ACOT7: variants seen among roughly 807,000 people sequenced by gnomAD.
ACOT7 encodes the protein acyl-CoA thioesterase 7, also known as cytosolic acyl coenzyme A thioester hydrolase.
Under a neutral mutation model 40.2 loss-of-function variants are expected in ACOT7, and 12 were observed. That is an observed-to-expected ratio of 0.30 (90% CI 0.19 to 0.48). The LOEUF (loss-of-function observed/expected upper bound fraction) is 0.48. Among genes scored for constraint, ACOT7 ranks in the 20% least tolerant of loss-of-function variants. The pLI is 0.99. For missense variants in ACOT7, 395 were observed against 530.8 expected, an observed-to-expected ratio of 0.74 and a Z score of 2.51; for synonymous variants, 228 against 219.5, an observed-to-expected ratio of 1.04 and a Z score of -0.34.
rs70981381 is a variant in ACOT7, at chr1:6,323,737, A to ATAT, written c.625+3561_625+3562insATA. Among the ~76,000 whole-genome samples the ATAT allele has an allele frequency of 7.4e-3, 282 of 38,266 alleles. 3 individuals carry two copies. Among genetic ancestry groups the ATAT allele is most frequent in the Non-Finnish European group, 0.011 (210 of 19,504 alleles). The allele number at this position is 38,266 out of a possible 152,430, so 25.1% of individuals were successfully genotyped here. ...GTCTCAAAAAAAAAAAAAAAAAAAA[A>ATAT]ATATATATATATATATATATATATA... On this transcript the variant is annotated intron_variant, in intron 5 of 8. Transcript: ENST00000361521.
intron 6 of ACOT7, among the ~76,000 whole-genome samples, chr1:6,305,674 G>C (rs934465499): frequency 1.3e-5 from 2 of 151,328 alleles, no homozygotes; most frequent in East Asian, 1.9e-4. Context: ...ATGGGATGGC[G>C]GCCGGGCAGA....
At chr1:6,373,449 C>T (rs1642170786) in intron 1 of ACOT7, among the ~76,000 whole-genome samples, 2 of 151,990 alleles carry the variant, frequency 1.3e-5, no homozygotes, top group African/African-American at 4.8e-5. Context: ...TGGGGTTTCG[C>T]CATGTTGGCC....
At chr1:6,281,440 T>C (rs1010752242) in intron 7 of ACOT7, among the ~76,000 whole-genome samples, 154 bp from the exon 8 acceptor site, 1 of 152,216 alleles carries the variant, frequency 6.6e-6, no homozygotes, top group Non-Finnish European at 1.5e-5. Flanking sequence ...TATTAGAATG[T>C]GTCGTTAGTT....
rs572786152 is a variant in ACOT7 at position 6,338,364 on chromosome 1, C to T, written c.418+1069G>A. ...CCCTGAGCCTCTCCCGAGTCGTGGG[C>T]GCTGCTCCTGTTGTGGGAGGTGCCC... On this transcript the variant is annotated intron_variant, in intron 3 of 8. Coordinates refer to ENST00000361521, the MANE Select transcript of ACOT7 (RefSeq NM_007274.4). This position sits in a 1 kb window ranked among gnomAD's most constrained non-coding sequence, Gnocchi z 4.4. Among the ~76,000 whole-genome samples, 7 of 152,354 alleles carry T rather than the reference C, an allele frequency of 4.6e-5. No individual in the cohort carries two copies. Among genetic ancestry groups the T allele is most frequent in the South Asian group, 2.1e-4 (1 of 4,828 alleles).
In ACOT7 at chr1:6,306,831, G is replaced by A; in HGVS notation, c.712+11661C>T. The A allele has an allele frequency of 1.6e-6, 2 of 1,289,132 alleles. No homozygotes were observed. Among genetic ancestry groups the A allele is most frequent in the South Asian group, 2.5e-5 (2 of 81,014 alleles). 79.9% of individuals were successfully genotyped at this position (1,289,132 alleles called of 1,614,324 possible). ...CCGGCCAAACAAGGTCACGGAATTG[G>A]AAAAGAGTAACTGTGCCCTCTTTTG... On this transcript the variant is annotated intron_variant, in intron 6 of 8. Coordinates refer to ENST00000361521, the MANE Select transcript of ACOT7 (RefSeq NM_007274.4). The surrounding 1 kb of genome is among the most constrained non-coding windows in gnomAD (Gnocchi z 4.3).
chr1:6,388,108 C>T (rs1642470105), intron 1 of ACOT7, among the ~76,000 whole-genome samples: 1 of 150,710 alleles, frequency 6.6e-6, no homozygotes, highest in Admixed American at 6.6e-5. Flanking sequence ...GCCCAGCTAA[C>T]TTTTTTTTCT....
At chr1:6,343,139 C>T (rs930368343) in intron 2 of ACOT7, among the ~76,000 whole-genome samples, 1 of 152,186 alleles carries the variant, frequency 6.6e-6, no homozygotes, top group Admixed American at 6.5e-5. Context: ...CTTCACAGCA[C>T]CCCGACAAGG....
At chr1:6,307,013 A>G in intron 6 of ACOT7, 1 of 1,019,610 alleles carries the variant, frequency 9.8e-7, no homozygotes, top group Non-Finnish European at 1.3e-6. Flanking sequence ...GCCTCCTCCT[A>G]TAGTCTCAGG....
rs1639385664 is a variant in ACOT7 at position 6,282,551 on chromosome 1, C to A, written c.830-1265G>T. On this transcript the variant is annotated intron_variant, in intron 7 of 8. Transcript: ENST00000361521. The surrounding 1 kb of genome is among the most constrained non-coding windows in gnomAD (Gnocchi z 4.5). ...CTTTTTAATGTGGCCTCTGGAACCC[C>A]CAGTGTCCTAGCTGCACCGAGACCA... Among the ~76,000 whole-genome samples the A allele has an allele frequency of 6.6e-6, 1 of 152,074 alleles. No individual in the cohort carries two copies. The highest frequency in any genetic ancestry group is 2.1e-4 in the South Asian group (1 of 4,804).
chr1:6,345,723 A>G (rs1234687252), intron 2 of ACOT7, among the ~76,000 whole-genome samples: 2 of 152,194 alleles, frequency 1.3e-5, no homozygotes, highest in African/African-American at 2.4e-5. Context: ...CTGAGGATGC[A>G]GCTGTCTGGA....
chr1:6,363,424 G>A (rs1641933133), intron 1 of ACOT7, among the ~76,000 whole-genome samples: 1 of 152,148 alleles, frequency 6.6e-6, no homozygotes, highest in African/African-American at 2.4e-5. Context: ...CCTGACATCA[G>A]TCAGGCCTGC....
rs1639984497 is a variant in ACOT7 at position 6,301,934 on chromosome 1, T to C, written c.713-6954A>G. 6.6e-6 allele frequency among the ~76,000 whole-genome samples: 1 copy of C among 152,222 alleles called. No homozygotes were observed. Among genetic ancestry groups the C allele is most frequent in the African/African-American group, 2.4e-5 (1 of 41,456 alleles). On this transcript the variant is annotated intron_variant, in intron 6 of 8. Transcript: ENST00000361521. This position sits in a 1 kb window ranked among gnomAD's most constrained non-coding sequence, Gnocchi z 4.1. ...CCGGCCTGGGAAACCACGCAGAGTT[T>C]AGATCAGCGGCAGACCTGCTATGAA...
Position 6,355,044 on chromosome 1 carries a change from G to A in ACOT7, c.144-5178C>T, listed in dbSNP as rs9661281. On this transcript the variant is annotated intron_variant, in intron 1 of 8. Transcript: ENST00000361521. This position sits in a 1 kb window ranked among gnomAD's most constrained non-coding sequence, Gnocchi z 5.0. ...GCTCTCAGGGATTGGGAACTTTTCC[G>A]CCTCAACTCTCACTGCCCTGCGGGG... 1.4e-3 allele frequency among the ~76,000 whole-genome samples: 215 copies of A among 152,008 alleles called. 2 individuals carry two copies. Among genetic ancestry groups the A allele is most frequent in the Non-Finnish European group, 1.7e-3 (114 of 67,992 alleles).
intron 2 of ACOT7, among the ~76,000 whole-genome samples, chr1:6,346,256 C>A (rs1393905187): frequency 2.0e-5 from 3 of 152,208 alleles, no homozygotes; most frequent in African/African-American, 4.8e-5. Flanking sequence ...CACAGGCCAC[C>A]ACACCTGGCT....
intron 8 of ACOT7, among the ~76,000 whole-genome samples, chr1:6,265,928 C>T (rs545195271): frequency 6.6e-6 from 1 of 152,306 alleles, no homozygotes; most frequent in Non-Finnish European, 1.5e-5. Context: ...GATGTAATGT[C>T]AAGTTATACC....
intron 1 of ACOT7, among the ~76,000 whole-genome samples, chr1:6,356,579 C>T (rs372530572): frequency 3.3e-5 from 5 of 152,182 alleles, no homozygotes. Flanking sequence ...CAGCCCAGCA[C>T]ACGACCAGCT....
rs372280533 is a variant in ACOT7 at position 6,373,328 on chromosome 1, G to A, written c.143+19929C>T. On this transcript the variant is annotated intron_variant, in intron 1 of 8. Transcript: ENST00000361521. Reference sequence around the variant, plus strand: ...TGTAGTGGCATGATCCCAGCTCACTGCAACCTCTGCCTCCCAGGTTCAAGT... The same window carrying A: ...TGTAGTGGCATGATCCCAGCTCACTACAACCTCTGCCTCCCAGGTTCAAGT... Among the ~76,000 whole-genome samples, 166 of 152,052 alleles carry A rather than the reference G, an allele frequency of 1.1e-3. 7 individuals are homozygous for A. The South Asian group carries it at 0.033, about 30-fold the overall frequency.
intron 1 of ACOT7, among the ~76,000 whole-genome samples, chr1:6,354,323 G>A (rs1280339242): frequency 2.0e-5 from 3 of 152,134 alleles, no homozygotes; most frequent in Non-Finnish European, 2.9e-5. Flanking sequence ...CCTGAAGGGT[G>A]AGCCAGGAGC....
intron 2 of ACOT7, among the ~76,000 whole-genome samples, chr1:6,345,956 G>A (rs902154033): frequency 4.6e-5 from 7 of 152,208 alleles, no homozygotes; most frequent in African/African-American, 1.2e-4. Flanking sequence ...GCCTAAGCAC[G>A]CTCTATGCTC....
Sources: gnomAD v4.1 joint callset for allele counts (sites outside exome capture counted in the v4.1 genomes callset) on GRCh38, gnomAD v4.1.1 for gene constraint, Gnocchi (gnomAD v3.1) non-coding constraint, MANE v1.5 for transcripts, NCBI Gene and HGNC (gene_info 2026-07-23, HGNC 2026-07-21) for gene names.